Variants in PRDM2 observed in about 807,000 individuals in gnomAD.
PRDM2 encodes PR domain zinc finger protein 2.
PRDM2 carries 30 observed loss-of-function variants against 130.0 expected under a neutral mutation model. That is an observed-to-expected ratio of 0.23 (90% confidence interval 0.17 to 0.31). The LOEUF (loss-of-function observed/expected upper bound fraction) is 0.31, where lower values mean the gene tolerates loss of function less well. Ranked by LOEUF, PRDM2 falls within the 10% of genes least tolerant of loss-of-function variation. The pLI, the probability that PRDM2 is intolerant of heterozygous loss-of-function variation, is 1.00. For synonymous variants in PRDM2, 871 were observed against 782.4 expected (o/e 1.11, Z -1.89); for missense variants, 2,011 against 2,108.4 (o/e 0.95, Z 0.90).
chr1:13,740,212 T>G (rs1643396375), intron 4 of PRDM2, among the ~76,000 whole-genome samples: 2 of 152,214 alleles, frequency 1.3e-5, no homozygotes, highest in Admixed American at 1.3e-4. Context: ...ACAACCTATA[T>G]TTTTATCCTG....
intron 6 of PRDM2, among the ~76,000 whole-genome samples, chr1:13,772,506 A>G (rs1044698084): frequency 4.6e-5 from 7 of 152,212 alleles, no homozygotes; most frequent in African/African-American, 9.6e-5. Flanking sequence ...TCAGAGTGCC[A>G]TGCTGGTGGA....
At chr1:13,711,136 C>G (rs568987978) in intron 1 of PRDM2, among the ~76,000 whole-genome samples, 1 of 151,630 alleles carries the variant, frequency 6.6e-6, no homozygotes, top group Non-Finnish European at 1.5e-5. Context: ...TTCAGTGATA[C>G]GCTTGGAAAG....
intron 8 of PRDM2, among the ~76,000 whole-genome samples, chr1:13,807,057 T>G (rs1484412449): frequency 1.3e-5 from 2 of 152,216 alleles, no homozygotes; most frequent in African/African-American, 2.4e-5. Flanking sequence ...TTCTCTTGTA[T>G]ATTTCAGTGT....
At chr1:13,700,427 C>A in intron 1 of PRDM2, 127 bp downstream of exon 1, 2 of 150,098 alleles carry the variant, frequency 1.3e-5, no homozygotes, top group South Asian at 3.8e-4. Flanking sequence ...ATGGCCGGGT[C>A]GGCGGACGCG....
rs559295006 is a variant in PRDM2, at chr1:13,809,433, G to A, written c.5037-6994G>A. 5.3e-5 allele frequency among the ~76,000 whole-genome samples: 8 copies of A among 152,176 alleles called. No individual in the cohort carries two copies. In the South Asian group the frequency reaches 1.0e-3, roughly 20 times the overall value. ...GTGACGTGTAGCAGGAGAGAGTGACGGAGGGACCGTGTTGAGTCTCAGGTC... is the reference window on the plus strand; with the variant it reads ...GTGACGTGTAGCAGGAGAGAGTGACAGAGGGACCGTGTTGAGTCTCAGGTC... On this transcript the variant is annotated intron_variant, in intron 8 of 9. Transcript: ENST00000311066.
At chr1:13,797,903 T>G (rs1644947029) in intron 8 of PRDM2, among the ~76,000 whole-genome samples, 1 of 152,208 alleles carries the variant, frequency 6.6e-6, no homozygotes, top group Non-Finnish European at 1.5e-5. Context: ...ATCACTTAAT[T>G]TCTTCTGATT....
intron 8 of PRDM2, among the ~76,000 whole-genome samples, chr1:13,785,963 C>T (rs559167763): frequency 6.6e-6 from 1 of 151,556 alleles, no homozygotes; most frequent in South Asian, 2.1e-4. Context: ...CTCAGCCTCC[C>T]GAGTAGCTGG....
chr1:13,776,868 G>A (rs756248088), intron 7 of PRDM2, among the ~76,000 whole-genome samples: 6 of 152,080 alleles, frequency 3.9e-5, no homozygotes, highest in Non-Finnish European at 5.9e-5. Context: ...TTCTGCCTGC[G>A]TTCACTTGCC....
intron 8 of PRDM2, among the ~76,000 whole-genome samples, chr1:13,809,723 G>A (rs747051604): frequency 6.6e-6 from 1 of 152,212 alleles, no homozygotes; most frequent in Non-Finnish European, 1.5e-5. Flanking sequence ...CACCTGCAGA[G>A]ATGACAGGCT....
At chr1:13,796,739 G>A (rs1261134483) in intron 8 of PRDM2, among the ~76,000 whole-genome samples, 1 of 152,212 alleles carries the variant, frequency 6.6e-6, no homozygotes, top group Non-Finnish European at 1.5e-5. Flanking sequence ...CCAGCAGAGT[G>A]AGACCCTGTC....
chr1:13,705,942 A>C (rs1235929760), intron 1 of PRDM2, among the ~76,000 whole-genome samples: 1 of 143,928 alleles, frequency 6.9e-6, no homozygotes, highest in Non-Finnish European at 1.5e-5. Flanking sequence ...AGATCGCGCC[A>C]CTGCACTCCA....
intron 5 of PRDM2, among the ~76,000 whole-genome samples, chr1:13,746,560 A>T (rs373612213): frequency 9.1e-6 from 1 of 110,088 alleles, no homozygotes. Flanking sequence ...TTATTTATTT[A>T]TTTATTTATT....
At chr1:13,717,099 AT>A (rs1466373847) in intron 2 of PRDM2, among the ~76,000 whole-genome samples, 1 of 152,330 alleles carries the variant, frequency 6.6e-6, no homozygotes, top group East Asian at 1.9e-4. Context: ...GTTTATTTTA[AT>A]GCAGAGGACA....
At chr1:13,730,246 C>T (rs1426179661) in intron 2 of PRDM2, among the ~76,000 whole-genome samples, 1 of 152,174 alleles carries the variant, frequency 6.6e-6, no homozygotes, top group Non-Finnish European at 1.5e-5. Context: ...GTCATATTCT[C>T]CCAGTTGGCT....
At chr1:13,813,102 T>G (rs537655625) in intron 8 of PRDM2, among the ~76,000 whole-genome samples, 42 of 152,326 alleles carry the variant, frequency 2.8e-4, no homozygotes, top group Non-Finnish European at 5.4e-4. Flanking sequence ...GACACTGTGC[T>G]GATACCTACT....
intron 6 of PRDM2, among the ~76,000 whole-genome samples, chr1:13,766,778 G>A (rs1490996912): frequency 6.6e-6 from 1 of 152,236 alleles, no homozygotes; most frequent in Non-Finnish European, 1.5e-5. Flanking sequence ...TGAGGAGGCA[G>A]CACATCTAGA....
At chr1:13,726,631 G>A (rs147402862) in intron 2 of PRDM2, among the ~76,000 whole-genome samples, 6 of 152,132 alleles carry the variant, frequency 3.9e-5, no homozygotes, top group African/African-American at 1.4e-4. Context: ...TGGAAACATC[G>A]AATTAATGAG....
intron 8 of PRDM2, among the ~76,000 whole-genome samples, chr1:13,805,866 A>T (rs1184085203): frequency 2.0e-5 from 3 of 152,088 alleles, no homozygotes; most frequent in African/African-American, 7.2e-5. Flanking sequence ...AGCTTGGAAG[A>T]GCACCGTGGC....
At position 13,781,032 on chromosome 1, in the gene PRDM2, C is replaced by T. The variant is rs147235839; in HGVS notation, c.3237C>T (p.Ser1079=). Residue 1079 remains serine, a synonymous_variant, in exon 8 of 10, where the codon TCC becomes TCT. Transcript: ENST00000311066. The surrounding 1 kb of genome is among the most constrained non-coding windows in gnomAD (Gnocchi z 6.1). The part of the protein sequence containing the change: ...SSSSPSPPPL[S]AISSVVSSGD... Reference sequence around the variant, plus strand: ...CTTCTCCTTCTCCACCTCCTCTCTCCGCAATATCATCTGTTGTTTCCTCTG... The same window carrying T: ...CTTCTCCTTCTCCACCTCCTCTCTCTGCAATATCATCTGTTGTTTCCTCTG... The T allele has an allele frequency of 3.6e-5, 58 of 1,609,494 alleles. No individual in the cohort carries two copies. In the East Asian group the frequency reaches 4.2e-4, roughly 12 times the overall value.
Sources: allele counts gnomAD v4.1 joint callset (sites outside exome capture counted in the v4.1 genomes callset), GRCh38; gene constraint gnomAD v4.1.1; non-coding constraint Gnocchi (gnomAD v3.1); transcripts MANE v1.5; gene names NCBI Gene and HGNC (gene_info 2026-07-23, HGNC 2026-07-21).